Variants in TMEM132C observed in about 807,000 individuals in gnomAD.
TMEM132C encodes the protein protein phosphatase 1, regulatory subunit 152.
Under a neutral mutation model 61.4 loss-of-function variants are expected in TMEM132C, and 29 were observed. That is an observed-to-expected ratio of 0.47 (90% CI 0.35 to 0.64). The LOEUF (loss-of-function observed/expected upper bound fraction) is 0.64, where lower values mean the gene tolerates loss of function less well. Among genes scored for constraint, TMEM132C ranks in the 30% least tolerant of loss-of-function variants. The pLI is 0.00. For missense variants in TMEM132C, 1,408 were observed against 1,476.9 expected (o/e 0.95, Z 0.76); for synonymous variants, 656 against 633.1 (o/e 1.04, Z -0.54).
intron 1 of TMEM132C, among the ~76,000 whole-genome samples, chr12:128,380,922 C>T (rs1051761152): frequency 2.0e-5 from 3 of 152,140 alleles, no homozygotes; most frequent in Non-Finnish European, 4.4e-5. Flanking sequence ...CCAACTGCAC[C>T]GTAACTCATG....
At chr12:128,592,429 G>A (rs980000822) in intron 3 of TMEM132C, among the ~76,000 whole-genome samples, 1 of 152,240 alleles carries the variant, frequency 6.6e-6, no homozygotes, top group African/African-American at 2.4e-5. Context: ...AGGAATGTGT[G>A]TTCAGTGGAT....
intron 4 of TMEM132C, among the ~76,000 whole-genome samples, chr12:128,636,255 G>C (rs903408661): frequency 3.9e-5 from 6 of 151,992 alleles, no homozygotes; most frequent in African/African-American, 1.2e-4. Flanking sequence ...GTCTCACTTT[G>C]TTGCCCAGGC....
At chr12:128,599,052 T>C (rs918896033) in intron 3 of TMEM132C, among the ~76,000 whole-genome samples, 11 of 130,594 alleles carry the variant, frequency 8.4e-5, no homozygotes, top group Non-Finnish European at 2.0e-4. Context: ...AAAAGAAGCC[T>C]GGGTGTTTTT....
intron 2 of TMEM132C, among the ~76,000 whole-genome samples, chr12:128,444,962 C>T (rs943513056): frequency 2.6e-5 from 4 of 152,048 alleles, no homozygotes; most frequent in Non-Finnish European, 4.4e-5. Flanking sequence ...GAACCTTGTA[C>T]GGAGGTTTAA....
At chr12:128,534,392 G>C (rs1216108701) in intron 2 of TMEM132C, among the ~76,000 whole-genome samples, 1 of 152,192 alleles carries the variant, frequency 6.6e-6, no homozygotes, top group Non-Finnish European at 1.5e-5. Flanking sequence ...GGGAACAGTT[G>C]GTGCTCCATG....
intron 4 of TMEM132C, among the ~76,000 whole-genome samples, chr12:128,664,683 G>A (rs1191396585): frequency 6.6e-6 from 1 of 152,176 alleles, no homozygotes; most frequent in Non-Finnish European, 1.5e-5. Flanking sequence ...GCCGGATGGG[G>A]CCAGAGGAAA....
At chr12:128,498,805 A>G (rs1872058085) in intron 2 of TMEM132C, among the ~76,000 whole-genome samples, 1 of 152,200 alleles carries the variant, frequency 6.6e-6, no homozygotes, top group African/African-American at 2.4e-5. Context: ...CTTAGAATAA[A>G]TGTAACAAAA....
At chr12:128,321,539 T>C (rs1872334986) in intron 1 of TMEM132C, among the ~76,000 whole-genome samples, 2 of 152,208 alleles carry the variant, frequency 1.3e-5, no homozygotes, top group Admixed American at 1.3e-4. Flanking sequence ...GCTCCTTGTG[T>C]AGATAGAAAT....
At chr12:128,290,808 A>G (rs1871221849) in intron 1 of TMEM132C, among the ~76,000 whole-genome samples, 1 of 151,886 alleles carries the variant, frequency 6.6e-6, no homozygotes, top group African/African-American at 2.4e-5. Context: ...AGCCAAAAGA[A>G]CAACAAATAG....
chr12:128,468,981 A>G (rs528971755), intron 2 of TMEM132C, among the ~76,000 whole-genome samples: 2 of 152,196 alleles, frequency 1.3e-5, no homozygotes, highest in Non-Finnish European at 2.9e-5. Flanking sequence ...ATTTCCTTCT[A>G]GTTCTCTAAC....
rs7131937 is a variant in TMEM132C at position 128,424,889 on chromosome 12, T to C, written c.974+9269T>C. Among the ~76,000 whole-genome samples, 1,321 of 152,304 alleles carry C rather than the reference T, an allele frequency of 8.7e-3. 26 individuals are homozygous for C. The highest frequency in any genetic ancestry group is 0.03 in the African/African-American group (1,234 of 41,564). On this transcript the variant is annotated intron_variant, in intron 2 of 8. Transcript: ENST00000435159. Reference sequence around the variant, plus strand: ...TTTGCCCATTACTTGACAAGGTTCTTAGGACCAGACCACTCTTTCTAATTT... The same window carrying C: ...TTTGCCCATTACTTGACAAGGTTCTCAGGACCAGACCACTCTTTCTAATTT...
At chr12:128,459,339 A>G (rs189440435) in intron 2 of TMEM132C, among the ~76,000 whole-genome samples, 10 of 152,286 alleles carry the variant, frequency 6.6e-5, no homozygotes, top group African/African-American at 2.4e-4. Flanking sequence ...GGAGCCTGGT[A>G]CCCATGCTGA....
intron 2 of TMEM132C, among the ~76,000 whole-genome samples, chr12:128,487,156 T>A (rs1309857726): frequency 1.3e-5 from 2 of 152,162 alleles, no homozygotes; most frequent in East Asian, 1.9e-4. Context: ...TATTGCTCAT[T>A]CAATAGCTCC....
At chr12:128,619,300 G>A (rs1384654391) in intron 4 of TMEM132C, among the ~76,000 whole-genome samples, 3 of 152,340 alleles carry the variant, frequency 2.0e-5, no homozygotes, top group East Asian at 3.9e-4. Flanking sequence ...TTAAAATCAA[G>A]CATTCTGAAG....
intron 4 of TMEM132C, among the ~76,000 whole-genome samples, chr12:128,629,082 G>C (rs1465438156): frequency 6.6e-6 from 1 of 152,170 alleles, no homozygotes; most frequent in African/African-American, 2.4e-5. Flanking sequence ...GGATAACTTT[G>C]GAGTGATTTC....
intron 4 of TMEM132C, among the ~76,000 whole-genome samples, chr12:128,658,969 C>G (rs1457713899): frequency 6.6e-6 from 1 of 152,180 alleles, no homozygotes; most frequent in Non-Finnish European, 1.5e-5. Flanking sequence ...GAGTTAGCTT[C>G]TGCAAAAGGA....
chr12:128,561,460 A>G (rs1162958658), intron 3 of TMEM132C, among the ~76,000 whole-genome samples: 1 of 152,148 alleles, frequency 6.6e-6, no homozygotes, highest in Non-Finnish European at 1.5e-5. Context: ...CCAGTTAGGG[A>G]CCTCTGACTA....
At chr12:128,498,048 T>C (rs773133414) in intron 2 of TMEM132C, among the ~76,000 whole-genome samples, 9 of 152,100 alleles carry the variant, frequency 5.9e-5, no homozygotes, top group Non-Finnish European at 1.0e-4. Flanking sequence ...TCTTCCTCCA[T>C]CCCCCTAGCA....
At position 128,278,928 on chromosome 12, in the gene TMEM132C, C is replaced by A. The variant is rs577139782; in HGVS notation, c.85+11441C>A. 6.6e-6 allele frequency among the ~76,000 whole-genome samples: 1 copy of A among 152,094 alleles called. No individual in the cohort carries two copies. Among genetic ancestry groups the A allele is most frequent in the South Asian group, 2.1e-4 (1 of 4,816 alleles). ...GAAGACAAGAAGGAATTCTGCCAGTCGACAGCATTTGGACGTGAACTGCAA... is the reference window on the plus strand; with the variant it reads ...GAAGACAAGAAGGAATTCTGCCAGTAGACAGCATTTGGACGTGAACTGCAA... On this transcript the variant is annotated intron_variant, in intron 1 of 8. Transcript: ENST00000435159. This position sits in a 1 kb window ranked among gnomAD's most constrained non-coding sequence, Gnocchi z 4.2.
Sources: gnomAD v4.1 joint callset for allele counts (sites outside exome capture counted in the v4.1 genomes callset) on GRCh38, gnomAD v4.1.1 for gene constraint, Gnocchi (gnomAD v3.1) non-coding constraint, MANE v1.5 for transcripts, NCBI Gene and HGNC (gene_info 2026-07-23, HGNC 2026-07-21) for gene names.